Variants in ANKFN1 observed in about 807,000 individuals in gnomAD.
ANKFN1 encodes ankyrin repeat and fibronectin type III domain containing 1.
ANKFN1 carries 74 observed loss-of-function variants against 108.7 expected under a neutral mutation model. The observed-to-expected ratio is 0.68, with a 90% CI of 0.56 to 0.83. ANKFN1 has a LOEUF of 0.83. Ranked by LOEUF, ANKFN1 falls within the 40% of genes least tolerant of loss-of-function variation. ANKFN1 has a pLI of 0.00. For synonymous variants in ANKFN1, 547 were observed against 516.2 expected, an observed-to-expected ratio of 1.06 and a Z score of -0.81; for missense variants, 1,505 against 1,382.3, an observed-to-expected ratio of 1.09 and a Z score of -1.41.
chr17:56,055,445 G>C (rs1598083974), intron 4 of ANKFN1, among the ~76,000 whole-genome samples: 2 of 147,654 alleles, frequency 1.4e-5, no homozygotes, highest in Non-Finnish European at 3.0e-5. Context: ...TTATGTCTGT[G>C]TGTGTGTGTG....
intron 3 of ANKFN1, among the ~76,000 whole-genome samples, chr17:56,246,884 C>T (rs77730733): frequency 0.04 from 6,136 of 152,042 alleles, 154 homozygotes; most frequent in African/African-American, 0.067. Flanking sequence ...TATAAAATTC[C>T]CAGTTACATC....
intron 8 of ANKFN1, among the ~76,000 whole-genome samples, chr17:56,386,192 A>T (rs950056867): frequency 1.3e-5 from 2 of 151,734 alleles, no homozygotes; most frequent in African/African-American, 4.8e-5. Flanking sequence ...GAAACTGGAA[A>T]TCATCATTCT....
intron 6 of ANKFN1, among the ~76,000 whole-genome samples, chr17:56,358,139 A>G (rs1239524725): frequency 1.3e-5 from 2 of 152,162 alleles, no homozygotes; most frequent in African/African-American, 4.8e-5. Flanking sequence ...ATTTCAAAGC[A>G]GAGTGCAGAC....
chr17:56,199,816 T>C (rs1913884504), intron 1 of ANKFN1, among the ~76,000 whole-genome samples: 2 of 152,166 alleles, frequency 1.3e-5, no homozygotes, highest in Non-Finnish European at 2.9e-5. Flanking sequence ...ACTAAAAACC[T>C]ATTTGTTGTT....
rs775993659 is a variant in ANKFN1 at position 56,510,855 on chromosome 17, C to T, written c.3027C>T (p.Gly1009=). The T allele has an allele frequency of 3.9e-6, 6 of 1,535,964 alleles. No homozygotes were observed. The highest frequency in any genetic ancestry group is 3.5e-6 in the Non-Finnish European group (4 of 1,146,898). Residue 1009 remains glycine (G), a synonymous_variant, in exon 21 of 21, where the codon GGC becomes GGT. Transcript: ENST00000682825. ...KRKPGKHPHY[G]GFSRHHRWLR... ...AGCCAGGCAAGCACCCCCACTATGG[C>T]GGCTTCAGCCGCCATCATCGCTGGT...
chr17:56,070,404 C>T (rs1223488674), intron 4 of ANKFN1, among the ~76,000 whole-genome samples: 2 of 152,170 alleles, frequency 1.3e-5, no homozygotes, highest in Non-Finnish European at 2.9e-5. Flanking sequence ...ATGTGTCTCC[C>T]CTGTGCCTGT....
intron 1 of ANKFN1, among the ~76,000 whole-genome samples, chr17:56,156,353 G>A (rs745817348): frequency 1.3e-5 from 2 of 152,184 alleles, no homozygotes; most frequent in Non-Finnish European, 2.9e-5. Context: ...CTCCCAAAGT[G>A]CTGGGATTGC....
intron 1 of ANKFN1, among the ~76,000 whole-genome samples, chr17:56,162,884 A>G (rs1909791260): frequency 6.6e-6 from 1 of 151,982 alleles, no homozygotes; most frequent in Non-Finnish European, 1.5e-5. Flanking sequence ...AAAGTACACA[A>G]ATTAGCCAGG....
chr17:56,048,315 G>T (rs529461608), intron 4 of ANKFN1, among the ~76,000 whole-genome samples: 91 of 152,014 alleles, frequency 6.0e-4, no homozygotes, highest in African/African-American at 2.0e-3. Flanking sequence ...CTTCCTGGGG[G>T]GATGAATTCT....
Position 56,115,692 on chromosome 17 carries a change from G to T in ANKFN1, c.288+69367G>T, listed in dbSNP as rs1906224948. Among the ~76,000 whole-genome samples, 2 of 151,990 alleles carry T rather than the reference G, an allele frequency of 1.3e-5. 1 individual carries two copies. The highest frequency in any genetic ancestry group is 4.2e-4 in the South Asian group (2 of 4,808). On this transcript the variant is annotated intron_variant, in intron 4 of 12. Transcript: ENST00000635860. Reference sequence around the variant, plus strand: ...CTCACATATACCTCTCCTTTGCTTTGGTCCACTTTAATGCAAAAGGACCTT... The same window carrying T: ...CTCACATATACCTCTCCTTTGCTTTTGTCCACTTTAATGCAAAAGGACCTT...
chr17:56,253,177 C>G (rs2043277321), intron 3 of ANKFN1, among the ~76,000 whole-genome samples: 1 of 152,132 alleles, frequency 6.6e-6, no homozygotes, highest in Admixed American at 6.5e-5. Flanking sequence ...TACACAGTTG[C>G]TAAAAATGGG....
At chr17:56,274,608 T>A (rs1289779724) in intron 3 of ANKFN1, among the ~76,000 whole-genome samples, 1 of 152,178 alleles carries the variant, frequency 6.6e-6, no homozygotes, top group Non-Finnish European at 1.5e-5. Context: ...AGAGAGCGAT[T>A]GAAACACGGG....
At chr17:56,196,379 G>A (rs1206210497) in intron 1 of ANKFN1, among the ~76,000 whole-genome samples, 2 of 152,152 alleles carry the variant, frequency 1.3e-5, no homozygotes, top group Admixed American at 6.6e-5. Context: ...AGGGAATCAA[G>A]TATGAGAATT....
intron 4 of ANKFN1, among the ~76,000 whole-genome samples, chr17:56,110,275 G>A (rs1276806942): frequency 6.6e-6 from 1 of 152,084 alleles, no homozygotes; most frequent in Admixed American, 6.5e-5. Context: ...TATTTCTCCT[G>A]TCTAGAAGGC....
chr17:56,214,739 T>C (rs1327051377), intron 2 of ANKFN1, among the ~76,000 whole-genome samples: 1 of 152,200 alleles, frequency 6.6e-6, no homozygotes, highest in Non-Finnish European at 1.5e-5. Context: ...TAGTCAGCCC[T>C]CATTCTCTCA....
At chr17:56,407,674 T>C (rs1377727504) in intron 8 of ANKFN1, among the ~76,000 whole-genome samples, 1 of 152,088 alleles carries the variant, frequency 6.6e-6, no homozygotes, top group Non-Finnish European at 1.5e-5. Flanking sequence ...CAAAGTACCA[T>C]AGGACTAAAA....
chr17:56,317,145 T>TATA (rs1395516291), intron 3 of ANKFN1, among the ~76,000 whole-genome samples: 1 of 152,170 alleles, frequency 6.6e-6, no homozygotes, highest in Non-Finnish European at 1.5e-5. Flanking sequence ...TGTTAAGTGC[T>TATA]CTATGGCTTC....
intron 14 of ANKFN1, 67 bp downstream of exon 14, chr17:56,458,046 A>T: frequency 7.6e-7 from 1 of 1,308,656 alleles, no homozygotes; most frequent in Non-Finnish European, 1.1e-6. Context: ...TTCAGTTACC[A>T]GTCCTACCTA....
At chr17:56,115,048 T>C (rs1430896771) in intron 4 of ANKFN1, among the ~76,000 whole-genome samples, 1 of 152,242 alleles carries the variant, frequency 6.6e-6, no homozygotes, top group African/African-American at 2.4e-5. Flanking sequence ...GAGATCCATG[T>C]CAGACTTCCA....
Sources: gnomAD v4.1 joint callset for allele counts (sites outside exome capture counted in the v4.1 genomes callset) on GRCh38, gnomAD v4.1.1 for gene constraint, MANE v1.5 for transcripts, NCBI Gene and HGNC (gene_info 2026-07-23, HGNC 2026-07-21) for gene names.